The following DSCAM variants were observed in gnomAD, a reference collection of about 807,000 sequenced individuals.
DSCAM encodes cell adhesion molecule DSCAM.
In DSCAM, 47 loss-of-function variants were observed where a neutral mutation model predicts 217.7. That is an observed-to-expected ratio of 0.22 (90% CI 0.17 to 0.28). The LOEUF is 0.28. Among genes scored for constraint, DSCAM ranks in the 10% least tolerant of loss-of-function variants. The pLI is 1.00. For missense variants in DSCAM, 2,080 were observed against 2,618.3 expected (o/e 0.79, Z 4.49); for synonymous variants, 1,056 against 1,015.3 (o/e 1.04, Z -0.76).
chr21:40,035,356 G>A (rs2088599114), intron 32 of DSCAM, among the ~76,000 whole-genome samples: 1 of 101,782 alleles, frequency 9.8e-6, no homozygotes, highest in Admixed American at 9.9e-5. Flanking sequence ...AAAGGCAGGG[G>A]TTGCAATCCT....
intron 19 of DSCAM, 136 bp from the exon 20 acceptor site, chr21:40,124,464 C>A: frequency 9.2e-7 from 1 of 1,091,844 alleles, no homozygotes; most frequent in Non-Finnish European, 1.3e-6. Context: ...GCTGTGTCCC[C>A]CCAAATGCAT....
chr21:40,511,833 T>C (rs1322672015), intron 3 of DSCAM, among the ~76,000 whole-genome samples: 2 of 150,782 alleles, frequency 1.3e-5, no homozygotes, highest in East Asian at 2.0e-4. Context: ...CTATTAAAAA[T>C]ACAAAAAATT....
chr21:40,771,891 T>C lies in DSCAM; in HGVS notation c.44-63120A>G, dbSNP rs558132348. 2.6e-5 allele frequency among the ~76,000 whole-genome samples: 4 copies of C among 151,596 alleles called. No homozygotes were observed. In the South Asian group the frequency reaches 8.3e-4, roughly 32 times the overall value. ...TTTATTTTCAGGGAACGTGCGTATG[T>C]CGCATACAATGAAGAGGGGAAAATG... On this transcript the variant is annotated intron_variant, in intron 1 of 32. Transcript: ENST00000400454.
intron 11 of DSCAM, among the ~76,000 whole-genome samples, chr21:40,220,767 T>C (rs1601454855): frequency 1.3e-5 from 2 of 152,136 alleles, no homozygotes; most frequent in East Asian, 3.9e-4. Context: ...TATTCCAAGG[T>C]GGATAGAGGT....
At chr21:40,689,437 G>A (rs968947695) in intron 3 of DSCAM, among the ~76,000 whole-genome samples, 43 of 152,330 alleles carry the variant, frequency 2.8e-4, no homozygotes, top group African/African-American at 8.9e-4. Context: ...AGTGGGGCAC[G>A]TTGGGCCATG....
In DSCAM at chr21:40,822,212, G is replaced by A. The variant is rs140297438; in HGVS notation, c.43+24407C>T. On this transcript the variant is annotated intron_variant, in intron 1 of 32. Coordinates refer to ENST00000400454, the MANE Select transcript of DSCAM (RefSeq NM_001389.5). ...AACATGCCTGTAGTCCCAGCTACTCGGGAGGCTGAGGTGGGAGAATCACTT... is the reference window on the plus strand; with the variant it reads ...AACATGCCTGTAGTCCCAGCTACTCAGGAGGCTGAGGTGGGAGAATCACTT... Among the ~76,000 whole-genome samples the A allele has an allele frequency of 7.6e-3, 1,138 of 149,972 alleles. 18 individuals are homozygous for A. Among genetic ancestry groups the A allele is most frequent in the African/African-American group, 0.021 (861 of 40,844 alleles).
In DSCAM at chr21:40,655,100, T is replaced by G. The variant is rs893043453; in HGVS notation, c.508+37710A>C. Among the ~76,000 whole-genome samples, 24 of 152,218 alleles carry G rather than the reference T, an allele frequency of 1.6e-4. 1 individual carries two copies. The highest frequency in any genetic ancestry group is 5.3e-4 in the African/African-American group (22 of 41,558). On this transcript the variant is annotated intron_variant, in intron 3 of 32. Transcript: ENST00000400454. ...AGAGAGAAAATGGAGCCTGCTTTCT[T>G]GCAGTGCACAGTCCACAGCGTGCCA...
chr21:40,706,934 C>T (rs1005718512), intron 2 of DSCAM, among the ~76,000 whole-genome samples: 1 of 152,124 alleles, frequency 6.6e-6, no homozygotes, highest in East Asian at 1.9e-4. Context: ...ATGTCAAGAA[C>T]GCCAGCACAT....
chr21:40,217,602 AAT>A (rs1388958134), intron 11 of DSCAM, among the ~76,000 whole-genome samples: 5 of 152,118 alleles, frequency 3.3e-5, no homozygotes. Context: ...TGACTGAACT[AAT>A]TTACACTTCC....
chr21:40,730,464 A>G (rs2091000519), intron 1 of DSCAM, among the ~76,000 whole-genome samples: 1 of 152,226 alleles, frequency 6.6e-6, no homozygotes, highest in East Asian at 1.9e-4. Context: ...GCAGATTTCC[A>G]AGAGAGAGTG....
At chr21:40,336,261 G>A (rs991056953) in intron 8 of DSCAM, among the ~76,000 whole-genome samples, 4 of 151,948 alleles carry the variant, frequency 2.6e-5, no homozygotes, top group East Asian at 3.9e-4. Context: ...ATGGTTATGC[G>A]GTCTTTTCTA....
At chr21:40,827,519 A>C (rs2091980074) in intron 1 of DSCAM, among the ~76,000 whole-genome samples, 1 of 152,010 alleles carries the variant, frequency 6.6e-6, no homozygotes. Flanking sequence ...CAGAAAAAGA[A>C]GACTAGAAAT....
At chr21:40,082,414 C>T (rs1026351351) in intron 24 of DSCAM, among the ~76,000 whole-genome samples, 9 of 152,124 alleles carry the variant, frequency 5.9e-5, no homozygotes, top group African/African-American at 1.9e-4. Context: ...GAGCCGAGAT[C>T]GTGCCACTGC....
At chr21:40,071,300 C>T (rs532503358) in intron 27 of DSCAM, among the ~76,000 whole-genome samples, 3 of 152,224 alleles carry the variant, frequency 2.0e-5, no homozygotes, top group Non-Finnish European at 4.4e-5. Flanking sequence ...AATGTGGGCA[C>T]TTGCAGGCAA....
At chr21:40,669,591 T>TA (rs893213692) in intron 3 of DSCAM, among the ~76,000 whole-genome samples, 78 of 4,540 alleles carry the variant, frequency 0.017, no homozygotes, top group Middle Eastern at 0.083. Flanking sequence ...GTTATATATA[T>TA]TTTTTTTTTT....
At position 40,598,792 on chromosome 21, in the gene DSCAM, C is replaced by T. The variant is rs190833718; in HGVS notation, c.508+94018G>A. Among the ~76,000 whole-genome samples, 53 of 152,176 alleles carry T rather than the reference C, an allele frequency of 3.5e-4. No homozygotes were observed. In the East Asian group the frequency reaches 8.5e-3, roughly 24 times the overall value. On this transcript the variant is annotated intron_variant, in intron 3 of 32. Transcript: ENST00000400454. ...TGCTGGGATTACAGGCGTGAGCCAC[C>T]GCGACTGGCCCAAACTGTCTTTTAA...
intron 8 of DSCAM, among the ~76,000 whole-genome samples, chr21:40,318,042 T>C (rs926649125): frequency 6.6e-6 from 1 of 151,992 alleles, no homozygotes; most frequent in African/African-American, 2.4e-5. Context: ...CCATGGTGTA[T>C]ATGTGCCACA....
intron 3 of DSCAM, among the ~76,000 whole-genome samples, chr21:40,530,715 AC>A (rs1282816748): frequency 6.6e-6 from 1 of 151,794 alleles, no homozygotes; most frequent in Non-Finnish European, 1.5e-5. Context: ...TCCACCCTAA[AC>A]CCACATTTCC....
chr21:40,376,831 TAAGAG>T (rs1277525558), intron 3 of DSCAM, among the ~76,000 whole-genome samples: 11 of 151,670 alleles, frequency 7.3e-5, no homozygotes, highest in Non-Finnish European at 1.5e-4. Flanking sequence ...AAGCTGCATA[TAAGAG>T]AAAAGAAGAG....
Sources: gnomAD v4.1 joint callset for allele counts (sites outside exome capture counted in the v4.1 genomes callset) on GRCh38, gnomAD v4.1.1 for gene constraint, MANE v1.5 for transcripts, NCBI Gene and HGNC (gene_info 2026-07-23, HGNC 2026-07-21) for gene names.